TENM4: variants seen among roughly 807,000 people sequenced by gnomAD.
The protein encoded by TENM4 is teneurin transmembrane protein 4, also known as teneurin-4.
In TENM4, 82 loss-of-function variants were observed where a neutral mutation model predicts 243.3. That is an observed-to-expected ratio of 0.34 (90% CI 0.28 to 0.40). The LOEUF (loss-of-function observed/expected upper bound fraction) is 0.40. TENM4 is among the 10% of genes least tolerant of loss of function. TENM4 has a pLI of 1.00. For missense variants in TENM4, 3,138 were observed against 3,673.3 expected (o/e 0.85, Z 3.77); for synonymous variants, 1,412 against 1,456.3 (o/e 0.97, Z 0.69).
chr11:78,889,914 G>A lies in TENM4; in HGVS notation c.955C>T (p.Pro319Ser). The change falls in exon 9 of 34, where the codon CCC becomes TCC. Residue 319 changes from proline (P) to serine (S), a missense_variant. Coordinates refer to ENST00000278550, the MANE Select transcript of TENM4 (RefSeq NM_001098816.3). ...GCCGGCCGGGCGAAGGTGCTGCGGG[G>A]CAGGGGTCGGGGCGGAGGAGAGTAC... The part of the protein sequence containing the change: ...TVYSPPPRPL[P>S]RSTFARPAFN... 6.4e-7 allele frequency: 1 copy of A among 1,551,786 alleles called. No individual in the cohort carries two copies. Among genetic ancestry groups the A allele is most frequent in the South Asian group, 1.2e-5 (1 of 84,068 alleles).
At chr11:78,764,558 A>G (rs570959632) in intron 18 of TENM4, among the ~76,000 whole-genome samples, 1 of 152,348 alleles carries the variant, frequency 6.6e-6, no homozygotes, top group East Asian at 1.9e-4. Context: ...CTCAAATTAG[A>G]CAGCTCCATC....
intron 12 of TENM4, among the ~76,000 whole-genome samples, chr11:78,847,422 G>A (rs183908052): frequency 7.9e-5 from 12 of 152,360 alleles, no homozygotes; most frequent in African/African-American, 1.4e-4. Flanking sequence ...TCAGTGAGCA[G>A]AGACAGCTAC....
chr11:79,174,670 G>C (rs1234932010), intron 3 of TENM4, among the ~76,000 whole-genome samples: 1 of 152,148 alleles, frequency 6.6e-6, no homozygotes, highest in East Asian at 1.9e-4. Flanking sequence ...ATGAGGTTAG[G>C]GTTTCTATTC....
intron 6 of TENM4, among the ~76,000 whole-genome samples, chr11:78,958,118 T>C (rs1487453292): frequency 6.6e-6 from 1 of 152,186 alleles, no homozygotes; most frequent in East Asian, 1.9e-4. Context: ...GGGACATAAA[T>C]TGAGACACAA....
intron 6 of TENM4, among the ~76,000 whole-genome samples, chr11:79,013,549 G>A (rs1380967571): frequency 6.6e-6 from 1 of 152,174 alleles, no homozygotes; most frequent in Non-Finnish European, 1.5e-5. Context: ...CAATCATGGG[G>A]TGGGGAAGTG....
At chr11:79,310,498 T>A (rs1459394848) in intron 1 of TENM4, among the ~76,000 whole-genome samples, 1 of 152,212 alleles carries the variant, frequency 6.6e-6, no homozygotes, top group African/African-American at 2.4e-5. Context: ...ATTCCCTAGC[T>A]TCTGAAGAAG....
At chr11:78,797,682 C>T (rs1857188298) in intron 15 of TENM4, among the ~76,000 whole-genome samples, 1 of 152,228 alleles carries the variant, frequency 6.6e-6, no homozygotes, top group Non-Finnish European at 1.5e-5. Flanking sequence ...CGCCACACTA[C>T]CTCCCAGGCA....
At chr11:79,040,166 C>T (rs1425940628) in intron 6 of TENM4, among the ~76,000 whole-genome samples, 1 of 152,116 alleles carries the variant, frequency 6.6e-6, no homozygotes, top group Non-Finnish European at 1.5e-5. Flanking sequence ...GAGTGCAGAC[C>T]CGGTGCAAGG....
chr11:79,099,109 A>G (rs1352592321), intron 4 of TENM4, among the ~76,000 whole-genome samples: 1 of 152,138 alleles, frequency 6.6e-6, no homozygotes, highest in Non-Finnish European at 1.5e-5. Context: ...TGTTCCTGCC[A>G]CAAGGACCTC....
At chr11:78,956,063 A>G (rs138650762) in intron 6 of TENM4, among the ~76,000 whole-genome samples, 1 of 152,300 alleles carries the variant, frequency 6.6e-6, no homozygotes, top group East Asian at 1.9e-4. Context: ...TATGTGCCTC[A>G]GTGCCCCGTT....
chr11:79,160,642 G>C lies in TENM4; in HGVS notation c.-162-11836C>G, dbSNP rs563429165. Among the ~76,000 whole-genome samples the C allele has an allele frequency of 1.3e-4, 20 of 152,242 alleles. No individual in the cohort carries two copies. The South Asian group carries it at 4.2e-3, about 32-fold the overall frequency. On this transcript the variant is annotated intron_variant, in intron 3 of 33. Transcript: ENST00000278550. The stretch of plus-strand genomic sequence containing the variant: ...CTACAGTGACAGGTGCCAGGGTCAG[G>C]GGTGAATATAGAGGCTTATCAGCAT...
intron 20 of TENM4, 74 bp downstream of exon 20, chr11:78,738,377 G>A (rs1006183261): frequency 2.0e-6 from 3 of 1,537,596 alleles, no homozygotes; most frequent in African/African-American, 1.4e-5. Flanking sequence ...CACATTATCA[G>A]TCCAGCAGCA....
At chr11:79,317,100 A>G (rs1856814959) in intron 1 of TENM4, among the ~76,000 whole-genome samples, 1 of 152,178 alleles carries the variant, frequency 6.6e-6, no homozygotes. Flanking sequence ...TTTTAAAATA[A>G]TTTTCTTCCA....
chr11:79,130,282 G>A (rs1449164543), intron 4 of TENM4, among the ~76,000 whole-genome samples: 4 of 152,116 alleles, frequency 2.6e-5, no homozygotes, highest in Non-Finnish European at 4.4e-5. Context: ...CTACCCAAAT[G>A]AGAAGAAAAC....
intron 6 of TENM4, among the ~76,000 whole-genome samples, chr11:78,973,909 A>C (rs1857597586): frequency 6.6e-6 from 1 of 151,986 alleles, no homozygotes; most frequent in Admixed American, 6.6e-5. Context: ...TGAGGGAGTG[A>C]GCCAAGCAGA....
At chr11:79,167,731 A>G (rs528407351) in intron 3 of TENM4, among the ~76,000 whole-genome samples, 31 of 152,246 alleles carry the variant, frequency 2.0e-4, no homozygotes, top group African/African-American at 6.3e-4. Flanking sequence ...AAGAGTCAGG[A>G]CACAGAGAGA....
At chr11:79,293,444 C>T (rs764093188) in intron 2 of TENM4, among the ~76,000 whole-genome samples, 23 of 149,974 alleles carry the variant, frequency 1.5e-4, no homozygotes, top group Non-Finnish European at 3.0e-4. Context: ...ACGTTTGAGG[C>T]TGCAGTGAGC....
At chr11:79,360,310 T>C (rs538548001) in intron 1 of TENM4, among the ~76,000 whole-genome samples, 11 of 152,348 alleles carry the variant, frequency 7.2e-5, no homozygotes, top group African/African-American at 2.4e-4. Flanking sequence ...TCAGAATGTT[T>C]TCCCTAAAAT....
chr11:78,962,953 C>T (rs1200999616), intron 6 of TENM4, among the ~76,000 whole-genome samples: 2 of 152,250 alleles, frequency 1.3e-5, no homozygotes, highest in East Asian at 3.8e-4. Context: ...AAGAATCTCA[C>T]ATTTTATGAT....
Sources: allele counts gnomAD v4.1 joint callset (sites outside exome capture counted in the v4.1 genomes callset), GRCh38; gene constraint gnomAD v4.1.1; transcripts MANE v1.5; gene names NCBI Gene and HGNC (gene_info 2026-07-23, HGNC 2026-07-21).